TANC1: variants seen among roughly 807,000 people sequenced by gnomAD.
The protein encoded by TANC1 is protein TANC1.
In TANC1, 77 loss-of-function variants were observed where a neutral mutation model predicts 149.7. The observed-to-expected ratio is 0.51, with a 90% CI of 0.43 to 0.62. TANC1 has a LOEUF of 0.62. Among genes scored for constraint, TANC1 ranks in the 20% least tolerant of loss-of-function variants. The pLI, the probability that TANC1 is intolerant of heterozygous loss-of-function variation, is 0.00. For synonymous variants in TANC1, 854 were observed against 925.0 expected (o/e 0.92, Z 1.39); for missense variants, 1,985 against 2,321.8 (o/e 0.85, Z 2.98).
intron 2 of TANC1, among the ~76,000 whole-genome samples, chr2:159,055,225 C>T (rs1408214042): frequency 1.3e-5 from 2 of 152,252 alleles, no homozygotes; most frequent in Non-Finnish European, 2.9e-5. Context: ...CTAGCCACGC[C>T]TTCTACTGAG....
intron 3 of TANC1, among the ~76,000 whole-genome samples, chr2:159,071,168 T>C (rs1389360707): frequency 6.6e-6 from 1 of 152,158 alleles, no homozygotes; most frequent in African/African-American, 2.4e-5. Context: ...TTGTTCAGTA[T>C]TGGTGAGGAA....
intron 2 of TANC1, chr2:159,004,147 T>C (rs1422359383): frequency 6.2e-7 from 1 of 1,612,248 alleles, no homozygotes; most frequent in East Asian, 2.2e-5. Context: ...CTTCCTGGAA[T>C]ATTAAGTCAG....
chr2:159,087,377 C>G (rs2045009762), intron 3 of TANC1, among the ~76,000 whole-genome samples: 1 of 150,106 alleles, frequency 6.7e-6, no homozygotes, highest in Non-Finnish European at 1.5e-5. Context: ...TGGTTGATAT[C>G]ATGTATAATA....
intron 2 of TANC1, among the ~76,000 whole-genome samples, chr2:159,016,719 T>C (rs1181435335): frequency 6.6e-6 from 1 of 151,660 alleles, no homozygotes; most frequent in Non-Finnish European, 1.5e-5. Context: ...GGACTACAGG[T>C]GCCCCCCACC....
At chr2:159,088,791 C>T (rs931911370) in intron 3 of TANC1, among the ~76,000 whole-genome samples, 1 of 150,788 alleles carries the variant, frequency 6.6e-6, no homozygotes, top group Non-Finnish European at 1.5e-5. Flanking sequence ...AGATTAGACA[C>T]CCCCGGTATG....
chr2:159,214,781 C>T (rs542565460), intron 19 of TANC1, among the ~76,000 whole-genome samples: 45 of 152,294 alleles, frequency 3.0e-4, no homozygotes, highest in South Asian at 1.7e-3. Context: ...GGTCCACCAC[C>T]GCTTTAGTGC....
intron 4 of TANC1, among the ~76,000 whole-genome samples, chr2:159,099,788 T>G (rs907285991): frequency 3.3e-5 from 5 of 151,670 alleles, no homozygotes; most frequent in Non-Finnish European, 7.4e-5. Context: ...TTAGTAATTT[T>G]TCATGCACCG....
intron 4 of TANC1, among the ~76,000 whole-genome samples, chr2:159,134,711 C>G (rs1368257242): frequency 6.6e-6 from 1 of 151,872 alleles, no homozygotes; most frequent in Non-Finnish European, 1.5e-5. Context: ...GTCTCGAACT[C>G]CTGACCTCAT....
chr2:159,208,053 CCT>C (rs2058746244), intron 19 of TANC1, among the ~76,000 whole-genome samples: 1 of 152,122 alleles, frequency 6.6e-6, no homozygotes. Flanking sequence ...TGATATAACC[CCT>C]GTGACTCAGT....
intron 3 of TANC1, among the ~76,000 whole-genome samples, chr2:159,073,005 A>G (rs967098660): frequency 1.3e-5 from 2 of 152,050 alleles, no homozygotes; most frequent in African/African-American, 4.8e-5. Flanking sequence ...AAAATAATGT[A>G]TTTTACCTTT....
At chr2:159,158,197 A>T (rs1488224780) in intron 7 of TANC1, among the ~76,000 whole-genome samples, 1 of 152,068 alleles carries the variant, frequency 6.6e-6, no homozygotes, top group Non-Finnish European at 1.5e-5. Flanking sequence ...TTCTACAAAA[A>T]AACTTAAAAA....
intron 4 of TANC1, 138 bp downstream of exon 4, chr2:159,097,972 T>C (rs75558164): frequency 3.8e-6 from 2 of 530,614 alleles, no homozygotes; most frequent in Non-Finnish European, 6.0e-6. Flanking sequence ...AAATAAATCT[T>C]TTTTTTTTTT....
intron 11 of TANC1, 31 bp from the exon 12 acceptor site, chr2:159,174,920 TGA>T (rs773005434): frequency 2.6e-6 from 4 of 1,535,292 alleles, no homozygotes; most frequent in African/African-American, 1.4e-5. Flanking sequence ...GTGAAGAGGG[TGA>T]GGTGATGCTG....
Position 159,170,596 on chromosome 2 carries a change from C to T in TANC1, c.1142C>T (p.Thr381Ile). The change falls in exon 10 of 27, where the codon ACA becomes ATA. Residue 381 changes from threonine to isoleucine, a missense_variant. Coordinates refer to ENST00000263635, the MANE Select transcript of TANC1 (RefSeq NM_033394.3). ...PLLFEVPSIT[T>I]DSVFVGRDWL... is the part of the protein sequence containing the mutation. ...TTGTTTGAAGTACCAAGCATAACAA[C>T]AGACTCTGTGTTTGTGGGAAGGGAT... 1.9e-6 allele frequency: 3 copies of T among 1,614,054 alleles called. No individual in the cohort carries two copies. Among genetic ancestry groups the T allele is most frequent in the Non-Finnish European group, 2.5e-6 (3 of 1,180,004 alleles).
chr2:158,971,475 A>ATCC (rs2032872673), intron 1 of TANC1, among the ~76,000 whole-genome samples: 1 of 152,168 alleles, frequency 6.6e-6, no homozygotes. Flanking sequence ...AAGAGTGTTT[A>ATCC]TATATTTGTG....
Position 159,163,368 on chromosome 2 carries a change from T to A in TANC1, c.768T>A (p.Val256=). Residue 256 remains valine, a synonymous_variant, in exon 8 of 27, where the codon GTT becomes GTA. Transcript: ENST00000263635. ...AAGATGGAAACCTAAGATTAGGGGTTCAGAAGGGAGTGCTTCATGACCGCA... is the reference window on the plus strand; with the variant it reads ...AAGATGGAAACCTAAGATTAGGGGTACAGAAGGGAGTGCTTCATGACCGCA... The part of the protein sequence containing the change: ...WNKDGNLRLG[V]QKGVLHDRRA... The A allele has an allele frequency of 6.2e-7, 1 of 1,614,224 alleles. No individual in the cohort carries two copies. The highest frequency in any genetic ancestry group is 2.2e-5 in the East Asian group (1 of 44,894).
intron 2 of TANC1, among the ~76,000 whole-genome samples, chr2:159,042,385 G>A (rs558753699): frequency 2.0e-5 from 3 of 152,270 alleles, no homozygotes; most frequent in East Asian, 3.9e-4. Context: ...GAAAACGAAT[G>A]TTCTCCAGGA....
intron 2 of TANC1, among the ~76,000 whole-genome samples, chr2:159,041,062 G>A (rs556787230): frequency 1.3e-5 from 2 of 152,338 alleles, no homozygotes; most frequent in South Asian, 4.1e-4. Flanking sequence ...GTTCACTACA[G>A]ACCCTGTTTG....
At chr2:159,042,629 G>A (rs1028301679) in intron 2 of TANC1, among the ~76,000 whole-genome samples, 7 of 152,072 alleles carry the variant, frequency 4.6e-5, no homozygotes, top group African/African-American at 1.7e-4. Flanking sequence ...GGCCAACCAG[G>A]TGTTCTGAGC....
Sources: allele counts gnomAD v4.1 joint callset (sites outside exome capture counted in the v4.1 genomes callset), GRCh38; gene constraint gnomAD v4.1.1; transcripts MANE v1.5; gene names NCBI Gene and HGNC (gene_info 2026-07-23, HGNC 2026-07-21).